COBL: variants seen among roughly 807,000 people sequenced by gnomAD.
COBL encodes the protein cordon-bleu WH2 repeat protein, also known as protein cordon-bleu.
A neutral mutation model predicts 98.8 loss-of-function variants in COBL; 51 were observed. The observed-to-expected ratio is 0.52, with a 90% CI of 0.41 to 0.65. The LOEUF (loss-of-function observed/expected upper bound fraction) is 0.65. COBL is among the 30% of genes least tolerant of loss of function. The pLI is 0.00. For missense variants in COBL, 1,617 were observed against 1,617.5 expected, an observed-to-expected ratio of 1.00 and a Z score of 0.01; for synonymous variants, 634 against 651.7, an observed-to-expected ratio of 0.97 and a Z score of 0.41.
chr7:51,193,405 T>A lies in COBL; in HGVS notation c.430A>T (p.Lys144Ter). ...TCAGGCACCTTAGGGGGACCAGGCT[T>A]AACCTTCTCTTCAGGAACTTTTTCT... ...LKEKVPEEKV[K>*]PGPPKVPEKS... The change falls in exon 3 of 13, where the codon AAG becomes TAG. Residue 144 changes from lysine (K) to a stop codon, truncating the protein, a stop_gained. Transcript: ENST00000265136. LOFTEE classifies it high-confidence loss of function. The A allele has an allele frequency of 6.2e-7, 1 of 1,614,176 alleles. No homozygotes were observed. The highest frequency in any genetic ancestry group is 8.5e-7 in the Non-Finnish European group (1 of 1,180,028).
At chr7:51,049,103 C>G (rs769380158) in intron 7 of COBL, among the ~76,000 whole-genome samples, 7 of 152,194 alleles carry the variant, frequency 4.6e-5, no homozygotes, top group Non-Finnish European at 8.8e-5. Context: ...AAAAATTATG[C>G]TTAATGATCT....
At chr7:51,169,189 T>C (rs1787617574) in intron 5 of COBL, among the ~76,000 whole-genome samples, 1 of 152,190 alleles carries the variant, frequency 6.6e-6, no homozygotes, top group Non-Finnish European at 1.5e-5. Context: ...TCCTTTCTAC[T>C]GATAATAATG....
chr7:51,201,527 A>G (rs1584149242), intron 2 of COBL, among the ~76,000 whole-genome samples: 1 of 152,214 alleles, frequency 6.6e-6, no homozygotes, highest in South Asian at 2.1e-4. Context: ...GAGACTTCAA[A>G]ACTTTACTCT....
intron 1 of COBL, among the ~76,000 whole-genome samples, chr7:51,278,660 G>A (rs920177998): frequency 3.3e-5 from 5 of 152,134 alleles, no homozygotes; most frequent in African/African-American, 7.2e-5. Flanking sequence ...GATTACAGGC[G>A]TGAGCCACGG....
At position 51,136,291 on chromosome 7, in the gene COBL, C is replaced by A. The variant is rs769403439; in HGVS notation, c.824G>T (p.Arg275Leu). The change falls in exon 6 of 13, where the codon CGT (arginine) becomes CTT (leucine). Residue 275 changes from arginine to leucine, a missense_variant. Coordinates refer to ENST00000265136, the MANE Select transcript of COBL (RefSeq NM_015198.5). ...GAGGGATGGACCCAGCGTAAGAGAACGTGAGTGCATGGATGGGGAGTTGGG... is the reference window on the plus strand; with the variant it reads ...GAGGGATGGACCCAGCGTAAGAGAAAGTGAGTGCATGGATGGGGAGTTGGG... ...TTPNSPSMHS[R>L]SLTLGPSLSL... 6.2e-7 allele frequency: 1 copy of A among 1,614,002 alleles called. No individual in the cohort carries two copies. The highest frequency in any genetic ancestry group is 1.1e-5 in the South Asian group (1 of 91,056).
chr7:51,313,436 A>C (rs1024982337), intron 1 of COBL, among the ~76,000 whole-genome samples: 1 of 152,240 alleles, frequency 6.6e-6, no homozygotes, highest in Non-Finnish European at 1.5e-5. Flanking sequence ...TTGATTAAAT[A>C]AATATAAATT....
At chr7:51,039,601 T>G (rs1260505296) in intron 8 of COBL, among the ~76,000 whole-genome samples, 1 of 152,258 alleles carries the variant, frequency 6.6e-6, no homozygotes, top group Non-Finnish European at 1.5e-5. Context: ...CCCAACCTTA[T>G]GTGTGAATCG....
intron 1 of COBL, among the ~76,000 whole-genome samples, chr7:51,311,175 T>C (rs1802999969): frequency 6.6e-6 from 1 of 152,190 alleles, no homozygotes; most frequent in Non-Finnish European, 1.5e-5. Context: ...TCTTTTTTAA[T>C]AGAAATGTTT....
At chr7:51,200,842 TAAAA>T (rs1791051375) in intron 2 of COBL, among the ~76,000 whole-genome samples, 1 of 152,054 alleles carries the variant, frequency 6.6e-6, no homozygotes, top group African/African-American at 2.4e-5. Context: ...GATGAACAAA[TAAAA>T]TAATAATAAT....
intron 8 of COBL, among the ~76,000 whole-genome samples, chr7:51,043,098 A>G (rs551496106): frequency 6.6e-6 from 1 of 152,372 alleles, no homozygotes; most frequent in African/African-American, 2.4e-5. Flanking sequence ...AACAACACAG[A>G]TATCATCATG....
At chr7:51,232,226 T>A (rs1794818199) in intron 1 of COBL, among the ~76,000 whole-genome samples, 1 of 151,884 alleles carries the variant, frequency 6.6e-6, no homozygotes, top group African/African-American at 2.4e-5. Context: ...ATCACTTTCT[T>A]AGTCAAAAAT....
chr7:51,055,996 A>T (rs749242728), intron 7 of COBL, among the ~76,000 whole-genome samples: 1 of 152,152 alleles, frequency 6.6e-6, no homozygotes, highest in Non-Finnish European at 1.5e-5. Flanking sequence ...TGCTCTTCAC[A>T]TGTCTCCTGT....
chr7:51,028,683 T>C lies in COBL; in HGVS notation c.2413A>G (p.Ser805Gly), dbSNP rs1488813922. The C allele has an allele frequency of 2.5e-6, 4 of 1,613,286 alleles. No individual in the cohort carries two copies. Among genetic ancestry groups the C allele is most frequent in the Middle Eastern group, 1.6e-4 (1 of 6,062 alleles). The change falls in exon 10 of 13, where the codon AGC (serine) becomes GGC (glycine). Residue 805 changes from serine (S) to glycine (G), a missense_variant. By Grantham distance (56) the Ser-to-Gly change is moderately conservative (BLOSUM62 0). Coordinates refer to ENST00000265136, the MANE Select transcript of COBL (RefSeq NM_015198.5). Reference protein sequence around the residue: ...PVPTQTQNPESRLQADPKPIS... With the variant: ...PVPTQTQNPEGRLQADPKPIS... ...GGCTTGGGGTCTGCTTGGAGTCTGC[T>C]CTCTGGATTCTGCGTCTGCGTGGGC...
intron 3 of COBL, 104 bp downstream of exon 3, chr7:51,193,275 C>A: frequency 9.9e-7 from 1 of 1,013,976 alleles, no homozygotes; most frequent in East Asian, 2.5e-5. Flanking sequence ...CAGCCTCAGC[C>A]ACAGCTCTCT....
rs143757851 is a variant in COBL at position 51,305,759 on chromosome 7, G to A, written c.41+10834C>T. Among the ~76,000 whole-genome samples the A allele has an allele frequency of 1.1e-3, 169 of 151,696 alleles. 1 individual carries two copies. Among genetic ancestry groups the A allele is most frequent in the Middle Eastern group, 0.01 (3 of 294 alleles). On this transcript the variant is annotated intron_variant, in intron 1 of 12. Coordinates refer to ENST00000265136, the MANE Select transcript of COBL (RefSeq NM_015198.5). ...AAACATTGTACTCGATGATGGCTGG[G>A]CGTGGTGGCTCATGCCTGTAATCCC...
intron 2 of COBL, among the ~76,000 whole-genome samples, chr7:51,210,248 T>C (rs890792365): frequency 2.7e-5 from 4 of 149,348 alleles, no homozygotes; most frequent in African/African-American, 5.2e-5. Flanking sequence ...TGGGAGTAGA[T>C]CATCAACAAC....
At position 51,184,793 on chromosome 7, in the gene COBL, C is replaced by T. The variant is rs190060685; in HGVS notation, c.686-594G>A. 3.5e-3 allele frequency among the ~76,000 whole-genome samples: 529 copies of T among 152,256 alleles called. 2 individuals carry two copies. Among genetic ancestry groups the T allele is most frequent in the Non-Finnish European group, 6.2e-3 (421 of 68,026 alleles). ...CCAAATCAGCACAGCTCTAAGACTG[C>T]GACATCAGTGCAATACACCTGCTTT... is the stretch of plus-strand genomic sequence containing the variant. On this transcript the variant is annotated intron_variant, in intron 4 of 12. Transcript: ENST00000265136.
At chr7:51,113,910 A>T (rs1797051455) in intron 6 of COBL, among the ~76,000 whole-genome samples, 1 of 152,222 alleles carries the variant, frequency 6.6e-6, no homozygotes, top group Non-Finnish European at 1.5e-5. Flanking sequence ...AACTGACCTC[A>T]ATCTATAGAC....
intron 2 of COBL, among the ~76,000 whole-genome samples, chr7:51,216,543 G>A (rs759690191): frequency 2.6e-5 from 4 of 152,306 alleles, no homozygotes; most frequent in Non-Finnish European, 5.9e-5. Context: ...TGTGTGGGGT[G>A]CTGGTAATAC....
Sources: allele counts gnomAD v4.1 joint callset (sites outside exome capture counted in the v4.1 genomes callset), GRCh38; gene constraint gnomAD v4.1.1; transcripts MANE v1.5; gene names NCBI Gene and HGNC (gene_info 2026-07-23, HGNC 2026-07-21).